The following MARCHF4 variants were observed in gnomAD, a reference collection of about 807,000 sequenced individuals.
MARCHF4 encodes E3 ubiquitin-protein ligase MARCHF4.
Under a neutral mutation model 43.9 loss-of-function variants are expected in MARCHF4, and 14 were observed. The ratio of observed to expected loss-of-function variants is 0.32; its 90% CI spans 0.21 to 0.50. The LOEUF (loss-of-function observed/expected upper bound fraction) is 0.50, where lower values mean the gene tolerates loss of function less well. MARCHF4 is among the 20% of genes least tolerant of loss of function. The pLI is 0.98. For synonymous variants in MARCHF4, 226 were observed against 213.3 expected, an observed-to-expected ratio of 1.06 and a Z score of -0.52; for missense variants, 468 against 536.7, an observed-to-expected ratio of 0.87 and a Z score of 1.27.
At chr2:216,315,029 A>G (rs1040195425) in intron 1 of MARCHF4, among the ~76,000 whole-genome samples, 3 of 152,248 alleles carry the variant, frequency 2.0e-5, no homozygotes, top group Non-Finnish European at 4.4e-5. Flanking sequence ...GGTAAAAATC[A>G]TTATAACTTG....
intron 1 of MARCHF4, among the ~76,000 whole-genome samples, chr2:216,293,981 T>TGTAAAAAAAAAAAAA (rs1171951717): frequency 0.018 from 1,741 of 98,728 alleles, 117 homozygotes; most frequent in Non-Finnish European, 0.032. Flanking sequence ...ATCATTACCA[T>TGTAAAAAAAAAAAAA]CACCATTGTT....
chr2:216,296,964 A>G (rs1574467320), intron 1 of MARCHF4, among the ~76,000 whole-genome samples: 2 of 152,202 alleles, frequency 1.3e-5, no homozygotes. Flanking sequence ...CGTTCTCACC[A>G]GGTGATAGCC....
chr2:216,336,637 T>C (rs1287662729), intron 1 of MARCHF4, among the ~76,000 whole-genome samples: 1 of 151,874 alleles, frequency 6.6e-6, no homozygotes, highest in Non-Finnish European at 1.5e-5. Context: ...GTGAATTGGT[T>C]ATTTGATGAA....
intron 1 of MARCHF4, among the ~76,000 whole-genome samples, chr2:216,338,694 T>G (rs960056162): frequency 2.6e-5 from 4 of 152,132 alleles, no homozygotes; most frequent in Non-Finnish European, 4.4e-5. Flanking sequence ...ATGAACCATC[T>G]AGCATGGCCT....
At chr2:216,338,285 C>T (rs991602260) in intron 1 of MARCHF4, among the ~76,000 whole-genome samples, 4 of 149,048 alleles carry the variant, frequency 2.7e-5, no homozygotes, top group East Asian at 2.0e-4. Context: ...CTTCTGCTGT[C>T]TCTCCCAGAG....
At chr2:216,263,515 G>GAAAGAGAGAA (rs775951687) in intron 3 of MARCHF4, among the ~76,000 whole-genome samples, 5 of 142,452 alleles carry the variant, frequency 3.5e-5, no homozygotes, top group East Asian at 4.1e-4. Context: ...GAGAGAGAGA[G>GAAAGAGAGAA]AGAGAGAGAG....
chr2:216,370,376 A>C lies in MARCHF4; in HGVS notation c.-116T>G. ...TGTTGTGGGGGGAGTCTGCTTTCTC[A>C]CTGGCTTTTCTTACAACCCCTCCAA... On this transcript the variant is annotated 5_prime_UTR_variant, in exon 1 of 4. Transcript: ENST00000273067. The C allele has an allele frequency of 1.3e-6, 1 of 777,036 alleles. No individual in the cohort carries two copies. The highest frequency in any genetic ancestry group is 2.0e-6 in the Non-Finnish European group (1 of 510,020). 48.1% of individuals were successfully genotyped at this position (777,036 alleles called of 1,614,324 possible).
intron 1 of MARCHF4, among the ~76,000 whole-genome samples, chr2:216,293,781 C>T (rs181481137): frequency 1.5e-5 from 2 of 135,796 alleles, no homozygotes; most frequent in East Asian, 4.2e-4. Context: ...AGAACTTAGC[C>T]TCACAATAAT....
chr2:216,306,270 G>GT (rs1454210268), intron 1 of MARCHF4, among the ~76,000 whole-genome samples: 2 of 152,012 alleles, frequency 1.3e-5, no homozygotes, highest in Non-Finnish European at 2.9e-5. Context: ...CAGTTAAATT[G>GT]TTTCCATTTT....
chr2:216,290,962 C>T (rs569568289), intron 1 of MARCHF4, among the ~76,000 whole-genome samples: 23 of 152,160 alleles, frequency 1.5e-4, no homozygotes, highest in Admixed American at 3.3e-4. Context: ...CACGTAAGTA[C>T]TGAGATACAT....
chr2:216,278,239 T>TTTA (rs914022079), intron 2 of MARCHF4, among the ~76,000 whole-genome samples: 4 of 152,036 alleles, frequency 2.6e-5, no homozygotes, highest in African/African-American at 9.7e-5. Flanking sequence ...TATTTATTTA[T>TTTA]TTTGAGATGG....
At chr2:216,305,904 G>A (rs1029209791) in intron 1 of MARCHF4, among the ~76,000 whole-genome samples, 2 of 152,132 alleles carry the variant, frequency 1.3e-5, no homozygotes, top group African/African-American at 4.8e-5. Context: ...TCTTGCCTTG[G>A]CATCCCACAT....
chr2:216,331,976 A>G (rs968786123), intron 1 of MARCHF4, among the ~76,000 whole-genome samples: 12 of 152,224 alleles, frequency 7.9e-5, no homozygotes, highest in African/African-American at 2.9e-4. Context: ...CACTTCAATA[A>G]AACAATAAAA....
At chr2:216,283,990 T>G (rs1274370447) in intron 1 of MARCHF4, among the ~76,000 whole-genome samples, 1 of 151,900 alleles carries the variant, frequency 6.6e-6, no homozygotes. Flanking sequence ...ATTACTAAGG[T>G]TCTACGAACA....
At position 216,259,202 on chromosome 2, in the gene MARCHF4, C is replaced by T. The variant is rs1574455765; in HGVS notation, c.*110G>A. On this transcript the variant is annotated 3_prime_UTR_variant, in exon 4 of 4. Coordinates refer to ENST00000273067, the MANE Select transcript of MARCHF4 (RefSeq NM_020814.3). ...CACTACCCCAGGGCTCCCGCCAGGT[C>T]CCCCACCCTCTGCCTGCTCCCTCTG... 2 of 1,467,874 alleles carry T rather than the reference C, an allele frequency of 1.4e-6. No homozygotes were observed. The highest frequency in any genetic ancestry group is 2.3e-5 in the East Asian group (1 of 43,726). The allele number at this position is 1,467,874 out of a possible 1,614,324, so 90.9% of individuals were successfully genotyped here. A position where few individuals can be genotyped will look rare whatever the true frequency, so the allele number is the denominator to read the frequency against.
At chr2:216,314,483 C>A (rs926754706) in intron 1 of MARCHF4, among the ~76,000 whole-genome samples, 4 of 152,056 alleles carry the variant, frequency 2.6e-5, no homozygotes, top group Non-Finnish European at 4.4e-5. Flanking sequence ...GCCACCACGC[C>A]CAGCTAATTT....
rs1366918101 is a variant in MARCHF4, at chr2:216,324,676, A to C, written c.517-40947T>G. 4.0e-5 allele frequency among the ~76,000 whole-genome samples: 6 copies of C among 149,682 alleles called. No homozygotes were observed. In the South Asian group the frequency reaches 1.3e-3, roughly 32 times the overall value. ...CTGGTTCAATATATGCAAATCAATA[A>C]ATGTAATCCAGCATATAAACAGAAC... On this transcript the variant is annotated intron_variant, in intron 1 of 3. Coordinates refer to ENST00000273067, the MANE Select transcript of MARCHF4 (RefSeq NM_020814.3).
intron 1 of MARCHF4, among the ~76,000 whole-genome samples, chr2:216,354,924 TTTCTTTC>T (rs1559106580): frequency 1.6e-5 from 2 of 124,604 alleles, no homozygotes; most frequent in Non-Finnish European, 3.3e-5. Flanking sequence ...TCTTTCTTTC[TTTCTTTC>T]TTTCTTTCTT....
intron 1 of MARCHF4, among the ~76,000 whole-genome samples, chr2:216,336,242 T>A (rs1692155657): frequency 6.6e-6 from 1 of 152,010 alleles, no homozygotes; most frequent in African/African-American, 2.4e-5. Flanking sequence ...AAAAAAGAAT[T>A]CAAAACAAAT....
Sources: allele counts gnomAD v4.1 joint callset (sites outside exome capture counted in the v4.1 genomes callset), GRCh38; gene constraint gnomAD v4.1.1; transcripts MANE v1.5; gene names NCBI Gene and HGNC (gene_info 2026-07-23, HGNC 2026-07-21).